Variants in EPAS1 observed in about 807,000 individuals in gnomAD.
The protein encoded by EPAS1 is endothelial PAS domain-containing protein 1.
EPAS1 carries 23 observed loss-of-function variants against 87.9 expected under a neutral mutation model. The ratio of observed to expected loss-of-function variants is 0.26; its 90% CI spans 0.19 to 0.37. EPAS1 has a LOEUF of 0.37. Ranked by LOEUF, EPAS1 falls within the 10% of genes least tolerant of loss-of-function variation. The pLI is 1.00. For missense variants in EPAS1, 1,138 were observed against 1,120.7 expected, an observed-to-expected ratio of 1.02 and a Z score of -0.22; for synonymous variants, 508 against 444.3, an observed-to-expected ratio of 1.14 and a Z score of -1.80.
intron 1 of EPAS1, among the ~76,000 whole-genome samples, chr2:46,298,630 C>T (rs1682934424): frequency 6.6e-6 from 1 of 152,256 alleles, no homozygotes; most frequent in African/African-American, 2.4e-5. Context: ...GACGGCAACA[C>T]TGGATGTCCC....
intron 7 of EPAS1, among the ~76,000 whole-genome samples, chr2:46,370,947 G>GA (rs977918724): frequency 6.6e-6 from 1 of 152,074 alleles, no homozygotes; most frequent in Non-Finnish European, 1.5e-5. Context: ...TATTTCTGAG[G>GA]AAAAAAGAGG....
intron 1 of EPAS1, among the ~76,000 whole-genome samples, chr2:46,322,620 C>G (rs1363370594): frequency 2.0e-5 from 3 of 152,322 alleles, no homozygotes; most frequent in Admixed American, 6.5e-5. Flanking sequence ...TGCTTTCCAT[C>G]AAGCCTGTGA....
intron 1 of EPAS1, among the ~76,000 whole-genome samples, chr2:46,315,128 G>A (rs772573121): frequency 6.6e-6 from 1 of 152,206 alleles, no homozygotes; most frequent in Non-Finnish European, 1.5e-5. Flanking sequence ...TGCAAAAGAA[G>A]AGGTTGTGGC....
intron 1 of EPAS1, among the ~76,000 whole-genome samples, chr2:46,319,712 G>T (rs928461126): frequency 6.6e-6 from 1 of 152,062 alleles, no homozygotes; most frequent in Non-Finnish European, 1.5e-5. Context: ...AGGTGCCTGC[G>T]GTATTTGCTT....
chr2:46,331,062 G>T (rs1482899572), intron 1 of EPAS1, among the ~76,000 whole-genome samples: 1 of 152,120 alleles, frequency 6.6e-6, no homozygotes, highest in Non-Finnish European at 1.5e-5. Flanking sequence ...CTGCATACAT[G>T]TATATATTAT....
At chr2:46,343,997 T>G (rs1277710820) in intron 1 of EPAS1, among the ~76,000 whole-genome samples, 1 of 152,266 alleles carries the variant, frequency 6.6e-6, no homozygotes, top group Non-Finnish European at 1.5e-5. Flanking sequence ...GACTTCTAAG[T>G]GTCTGCTCAC....
rs759783388 is a variant in EPAS1 at position 46,380,709 on chromosome 2, C to G, written c.2037C>G (p.Phe679Leu). 1 of 1,611,524 alleles carries G rather than the reference C, an allele frequency of 6.2e-7. No individual in the cohort carries two copies. The highest frequency in any genetic ancestry group is 8.5e-7 in the Non-Finnish European group (1 of 1,180,018). Residue 679 changes from phenylalanine (F) to leucine (L), a missense_variant, in exon 12 of 16, where the codon TTC becomes TTG. By Grantham distance (22) the Phe-to-Leu change is conservative (BLOSUM62 0). Around this residue, in one of 4 missense-constraint regions of EPAS1, gnomAD observed 502 missense variants for 427.1 expected, o/e 1.18. Transcript: ENST00000263734. The surrounding 1 kb of genome is among the most constrained non-coding windows in gnomAD (Gnocchi z 4.4). ...PPVSPPHVST[F>L]KTRSAKGFGA... ...TCTCTCCACCCCATGTCTCCACCTT[C>G]AAGACAAGGTAAGTGGCAGATACTC...
At chr2:46,314,424 C>G (rs1572615961) in intron 1 of EPAS1, among the ~76,000 whole-genome samples, 1 of 152,190 alleles carries the variant, frequency 6.6e-6, no homozygotes, top group Non-Finnish European at 1.5e-5. Flanking sequence ...GACTACAGCC[C>G]CATTTCTACC....
chr2:46,311,984 C>G (rs992110142), intron 1 of EPAS1, among the ~76,000 whole-genome samples: 1 of 152,192 alleles, frequency 6.6e-6, no homozygotes, highest in African/African-American at 2.4e-5. Flanking sequence ...CTTGGTGATT[C>G]CAGGCCACCT....
chr2:46,331,790 C>T (rs988168678), intron 1 of EPAS1, among the ~76,000 whole-genome samples: 6 of 151,222 alleles, frequency 4.0e-5, no homozygotes, highest in Non-Finnish European at 5.9e-5. Context: ...GCAGTCACAC[C>T]CCACCTCCAC....
intron 6 of EPAS1, among the ~76,000 whole-genome samples, chr2:46,367,651 A>G (rs1485048381): frequency 3.9e-5 from 6 of 152,232 alleles, no homozygotes; most frequent in Admixed American, 2.6e-4. Context: ...GACGGGACAG[A>G]TCCTTCTGCT....
In EPAS1 at chr2:46,380,265, C is replaced by T. The variant is rs758613985; in HGVS notation, c.1593C>T (p.Pro531=). The change falls in exon 12 of 16, where the codon CCC becomes CCT. Residue 531 remains proline, a synonymous_variant. Transcript: ENST00000263734. This position sits in a 1 kb window ranked among gnomAD's most constrained non-coding sequence, Gnocchi z 4.4. ...AGCTGGACTTGGAGACACTGGCACC[C>T]TATATCCCCATGGACGGGGAAGACT... is the stretch of plus-strand genomic sequence containing the variant. The part of the protein sequence containing the change: ...FNELDLETLA[P]YIPMDGEDFQ... The T allele has an allele frequency of 1.9e-6, 3 of 1,613,692 alleles. No homozygotes were observed. The Admixed American group carries it at 5.0e-5, about 27-fold the overall frequency.
In EPAS1 at chr2:46,328,840, C is replaced by A. The variant is rs146303990; in HGVS notation, c.27-18033C>A. ...TGAAAATGTTCAGAACACAAGTCTG[C>A]CTTCCAGGCCAGTCTTCTAAGCACC... On this transcript the variant is annotated intron_variant, in intron 1 of 15. Coordinates refer to ENST00000263734, the MANE Select transcript of EPAS1 (RefSeq NM_001430.5). 2.9e-3 allele frequency among the ~76,000 whole-genome samples: 446 copies of A among 152,344 alleles called. 4 individuals are homozygous for A. The highest frequency in any genetic ancestry group is 0.01 in the African/African-American group (421 of 41,576).
intron 2 of EPAS1, among the ~76,000 whole-genome samples, chr2:46,348,716 G>T (rs1684085772): frequency 6.6e-6 from 1 of 152,200 alleles, no homozygotes; most frequent in African/African-American, 2.4e-5. Context: ...GGGAGCAGAA[G>T]TGCTTTTGAT....
intron 1 of EPAS1, among the ~76,000 whole-genome samples, chr2:46,315,294 G>A (rs1224424447): frequency 6.6e-6 from 1 of 152,214 alleles, no homozygotes; most frequent in Non-Finnish European, 1.5e-5. Flanking sequence ...CGTGAGAGGA[G>A]CAGGTTTGAA....
chr2:46,340,539 AC>A (rs1683890578), intron 1 of EPAS1, among the ~76,000 whole-genome samples: 5 of 152,194 alleles, frequency 3.3e-5, no homozygotes, highest in African/African-American at 1.2e-4. Context: ...CTTTTGATAT[AC>A]TAGTGTGGAT....
At chr2:46,297,961 A>G (rs1553387022) in intron 1 of EPAS1, 24 bp downstream of exon 1, 1 of 1,611,228 alleles carries the variant, frequency 6.2e-7, no homozygotes, top group Admixed American at 1.7e-5. Flanking sequence ...CGGGCCGATC[A>G]GGGGGCCGGT....
Position 46,375,937 on chromosome 2 carries a change from A to C in EPAS1, c.1034+100A>C. On this transcript the variant is annotated intron_variant, in intron 8 of 15. Transcript: ENST00000263734. The surrounding 1 kb of genome is among the most constrained non-coding windows in gnomAD (Gnocchi z 4.1). ...AGGCCTAGGAGATGCCAGGCCTCTC[A>C]GCGCCCTGGGCACCACCTCAGGGAG... The C allele has an allele frequency of 6.5e-7, 1 of 1,529,512 alleles. No homozygotes were observed. Among genetic ancestry groups the C allele is most frequent in the African/African-American group, 1.4e-5 (1 of 73,208 alleles). The allele number at this position is 1,529,512 out of a possible 1,614,324, so 94.7% of individuals were successfully genotyped here.
At chr2:46,372,212 A>G (rs1197240803) in intron 7 of EPAS1, among the ~76,000 whole-genome samples, 1 of 152,200 alleles carries the variant, frequency 6.6e-6, no homozygotes, top group African/African-American at 2.4e-5. Flanking sequence ...ATAGCTAGCA[A>G]AGGGACAAAC....
Sources: allele counts gnomAD v4.1 joint callset (sites outside exome capture counted in the v4.1 genomes callset), GRCh38; gene constraint gnomAD v4.1.1; regional missense constraint gnomAD v4.1.1; non-coding constraint Gnocchi (gnomAD v3.1); transcripts MANE v1.5; gene names NCBI Gene and HGNC (gene_info 2026-07-23, HGNC 2026-07-21).